Variants in MBOAT1 observed in about 807,000 individuals in gnomAD.
The protein encoded by MBOAT1 is membrane bound glycerophospholipid O-acyltransferase 1, also known as membrane-bound glycerophospholipid O-acyltransferase 1.
A neutral mutation model predicts 64.4 loss-of-function variants in MBOAT1; 67 were observed. That is an observed-to-expected ratio of 1.04 (90% CI 0.85 to 1.27). The LOEUF (loss-of-function observed/expected upper bound fraction) is 1.27, where lower values mean the gene tolerates loss of function less well. MBOAT1 is among the 50% of genes most tolerant of loss of function. The probability of loss-of-function intolerance (pLI) is 0.00; values close to 1 mark genes in which losing one functional copy is unlikely to be tolerated. For missense variants in MBOAT1, 563 were observed against 604.6 expected (o/e 0.93, Z 0.72); for synonymous variants, 229 against 218.9 (o/e 1.05, Z -0.41).
chr6:20,154,558 T>TA (rs1049948249), intron 1 of MBOAT1, among the ~76,000 whole-genome samples: 8 of 151,886 alleles, frequency 5.3e-5, no homozygotes, highest in African/African-American at 1.7e-4. Flanking sequence ...TAAAATAAGA[T>TA]AAAAAATAAA....
rs1561753999 is a variant in MBOAT1, at chr6:20,128,766, AAAG to A, written c.476-16_476-14del. 4 of 1,586,388 alleles carry A rather than the reference AAAG, an allele frequency of 2.5e-6. No homozygotes were observed. Among genetic ancestry groups the A allele is most frequent in the Middle Eastern group, 1.7e-4 (1 of 5,948 alleles). ...CTTCGACCTAATCCTATGAAAAAGA[AAAG>A]AATTTAGAAATAAGATGTTTGAAGT... On this transcript the variant is annotated splice_polypyrimidine_tract_variant and intron_variant, in intron 5 of 12. Coordinates refer to ENST00000324607, the MANE Select transcript of MBOAT1 (RefSeq NM_001080480.3).
chr6:20,152,558 A>G, intron 2 of MBOAT1, 66 bp downstream of exon 2: 1 of 1,522,780 alleles, frequency 6.6e-7, no homozygotes, highest in East Asian at 2.4e-5. Context: ...CTTTAGTGCA[A>G]TTCCAAGGAC....
At chr6:20,162,660 G>A (rs1241785238) in intron 1 of MBOAT1, among the ~76,000 whole-genome samples, 1 of 152,202 alleles carries the variant, frequency 6.6e-6, no homozygotes, top group Non-Finnish European at 1.5e-5. Context: ...GTGCTACTGA[G>A]AAAACTCGCA....
chr6:20,172,503 C>T (rs1762225369), intron 1 of MBOAT1, among the ~76,000 whole-genome samples: 1 of 152,174 alleles, frequency 6.6e-6, no homozygotes, highest in Admixed American at 6.5e-5. Context: ...TATCTACACC[C>T]TCCAAATCAC....
At chr6:20,130,473 C>T (rs1760787010) in intron 5 of MBOAT1, among the ~76,000 whole-genome samples, 1 of 152,146 alleles carries the variant, frequency 6.6e-6, no homozygotes, top group Non-Finnish European at 1.5e-5. Context: ...CCTGCCTCAG[C>T]CTCCTAAGTT....
intron 1 of MBOAT1, among the ~76,000 whole-genome samples, chr6:20,159,181 T>C (rs1481089793): frequency 2.0e-5 from 3 of 151,968 alleles, no homozygotes; most frequent in Admixed American, 1.3e-4. Context: ...CCAGTACTGG[T>C]CCATGGCCTG....
At chr6:20,119,877 C>T (rs993127286) in intron 8 of MBOAT1, among the ~76,000 whole-genome samples, 2 of 152,124 alleles carry the variant, frequency 1.3e-5, no homozygotes, top group African/African-American at 2.4e-5. Context: ...CCAGGCTGAC[C>T]GTCACTGGGA....
In MBOAT1 at chr6:20,115,145, A is replaced by T. The variant is rs185726371; in HGVS notation, c.1076+143T>A. ...TCTCAAATCACTGTATTTCTACTTT[A>T]TCATTTACAGGGCACAGATGTTAAT... On this transcript the variant is annotated intron_variant, in intron 10 of 12. Transcript: ENST00000324607. 4 of 693,360 alleles carry T rather than the reference A, an allele frequency of 5.8e-6. No individual in the cohort carries two copies. The Admixed American group carries it at 6.8e-5, about 12-fold the overall frequency. The allele number at this position is 693,360 out of a possible 1,614,324, so 43.0% of individuals were successfully genotyped here. A position where few individuals can be genotyped will look rare whatever the true frequency, so the allele number is the denominator to read the frequency against.
rs571860559 is a variant in MBOAT1, at chr6:20,118,075, C to G, written c.1011+362G>C. Among the ~76,000 whole-genome samples, 146 of 152,256 alleles carry G rather than the reference C, an allele frequency of 9.6e-4. No homozygotes were observed. In the South Asian group the frequency reaches 0.011, roughly 12 times the overall value. ...TATTGAAATCAAAATACAGGAGCTT[C>G]CAGTCTACATTCGTCACTGAAATAG... On this transcript the variant is annotated intron_variant, in intron 9 of 12. Coordinates refer to ENST00000324607, the MANE Select transcript of MBOAT1 (RefSeq NM_001080480.3).
intron 1 of MBOAT1, among the ~76,000 whole-genome samples, chr6:20,206,834 C>T (rs561987462): frequency 6.6e-6 from 1 of 152,130 alleles, no homozygotes; most frequent in Non-Finnish European, 1.5e-5. Flanking sequence ...GCGCACACCC[C>T]GATTTTCATC....
At chr6:20,184,327 C>T (rs1762588831) in intron 1 of MBOAT1, among the ~76,000 whole-genome samples, 1 of 152,010 alleles carries the variant, frequency 6.6e-6, no homozygotes, top group Non-Finnish European at 1.5e-5. Context: ...AGTCCCCATG[C>T]AGATGGGGTT....
chr6:20,118,321 TC>T (rs1274270651), intron 9 of MBOAT1, 115 bp downstream of exon 9: 3 of 787,278 alleles, frequency 3.8e-6, no homozygotes, highest in Non-Finnish European at 6.3e-6. Flanking sequence ...GCCTGGCAAT[TC>T]CCTGAGAGCA....
At chr6:20,115,441 G>T in intron 9 of MBOAT1, 89 bp from the exon 10 acceptor site, 1 of 1,035,402 alleles carries the variant, frequency 9.7e-7, no homozygotes. Flanking sequence ...CAGCAGGTTA[G>T]ATACTGTATT....
At chr6:20,137,564 G>C (rs1301064166) in intron 4 of MBOAT1, among the ~76,000 whole-genome samples, 1 of 152,108 alleles carries the variant, frequency 6.6e-6, no homozygotes, top group African/African-American at 2.4e-5. Context: ...GATATGAATT[G>C]TATTAGCAGC....
intron 1 of MBOAT1, among the ~76,000 whole-genome samples, chr6:20,205,143 G>T (rs1161548517): frequency 6.6e-6 from 1 of 152,020 alleles, no homozygotes; most frequent in Admixed American, 6.6e-5. Context: ...AGACTGCAGG[G>T]TGCCATGATC....
At chr6:20,155,020 C>A (rs1761635643) in intron 1 of MBOAT1, among the ~76,000 whole-genome samples, 1 of 152,206 alleles carries the variant, frequency 6.6e-6, no homozygotes, top group Non-Finnish European at 1.5e-5. Context: ...ATTCTCACAG[C>A]CCAGCCTGCA....
intron 1 of MBOAT1, among the ~76,000 whole-genome samples, chr6:20,171,235 T>G (rs926469530): frequency 2.0e-5 from 3 of 152,160 alleles, no homozygotes; most frequent in African/African-American, 7.2e-5. Flanking sequence ...AGGTGTCATT[T>G]TAATAATCAA....
chr6:20,129,179 T>G (rs1334308), intron 5 of MBOAT1, among the ~76,000 whole-genome samples: 4,819 of 152,212 alleles, frequency 0.032, 141 homozygotes, highest in South Asian at 0.1. Context: ...TACTACAAGC[T>G]GAGAGCCTGG....
intron 4 of MBOAT1, among the ~76,000 whole-genome samples, chr6:20,139,453 C>T (rs1225380490): frequency 2.6e-5 from 4 of 151,600 alleles, no homozygotes; most frequent in Admixed American, 2.6e-4. Flanking sequence ...AAGACTATTT[C>T]CAAATAAGGA....
Sources: allele counts gnomAD v4.1 joint callset (sites outside exome capture counted in the v4.1 genomes callset), GRCh38; gene constraint gnomAD v4.1.1; transcripts MANE v1.5; gene names NCBI Gene and HGNC (gene_info 2026-07-23, HGNC 2026-07-21).